Variants in PRKCE observed in about 807,000 individuals in gnomAD.
PRKCE encodes the protein protein kinase C epsilon, also known as protein kinase C epsilon type.
A neutral mutation model predicts 85.4 loss-of-function variants in PRKCE; 16 were observed. The ratio of observed to expected loss-of-function variants is 0.19; its 90% CI spans 0.13 to 0.28. The LOEUF (loss-of-function observed/expected upper bound fraction) is 0.28, where lower values mean the gene tolerates loss of function less well. PRKCE is among the 10% of genes least tolerant of loss of function. The pLI, the probability that PRKCE is intolerant of heterozygous loss-of-function variation, is 1.00. For missense variants in PRKCE, 573 were observed against 975.2 expected (o/e 0.59, Z 5.49); for synonymous variants, 388 against 371.5 (o/e 1.04, Z -0.51).
At chr2:46,132,181 G>A (rs1674527476) in intron 11 of PRKCE, among the ~76,000 whole-genome samples, 1 of 152,108 alleles carries the variant, frequency 6.6e-6, no homozygotes, top group Non-Finnish European at 1.5e-5. Flanking sequence ...AAACACCAAA[G>A]TCCTCGGTGG....
At chr2:46,102,042 G>GT (rs1671290452) in intron 11 of PRKCE, among the ~76,000 whole-genome samples, 1 of 138,402 alleles carries the variant, frequency 7.2e-6, no homozygotes. Flanking sequence ...ACAGGTCCCG[G>GT]CGGGAAAGGT....
At chr2:45,783,426 G>A (rs1319214571) in intron 1 of PRKCE, among the ~76,000 whole-genome samples, 1 of 152,198 alleles carries the variant, frequency 6.6e-6, no homozygotes, top group Admixed American at 6.5e-5. Context: ...CTAGGAACAG[G>A]AAAAGCACCA....
chr2:45,862,136 G>A (rs1217471937), intron 2 of PRKCE, among the ~76,000 whole-genome samples: 1 of 150,316 alleles, frequency 6.7e-6, no homozygotes, highest in Non-Finnish European at 1.5e-5. Context: ...CCTGGAGAAT[G>A]GTCTTAGGTA....
chr2:46,058,691 A>C lies in PRKCE; in HGVS notation c.1438-27517A>C, dbSNP rs141954711. On this transcript the variant is annotated intron_variant, in intron 10 of 14. Transcript: ENST00000306156. Reference sequence around the variant, plus strand: ...AATGCTGTGGTTTCACTCACATTGAATTGATTGATTGATTGACTGATTGAG... The same window carrying C: ...AATGCTGTGGTTTCACTCACATTGACTTGATTGATTGATTGACTGATTGAG... Among the ~76,000 whole-genome samples the C allele has an allele frequency of 1.5e-3, 235 of 152,058 alleles. 1 individual carries two copies. In the East Asian group the frequency reaches 0.016, roughly 11 times the overall value.
intron 10 of PRKCE, among the ~76,000 whole-genome samples, chr2:46,047,393 A>T (rs1708591275): frequency 6.6e-6 from 1 of 152,222 alleles, no homozygotes; most frequent in Admixed American, 6.5e-5. Context: ...AGCAATGAAG[A>T]CAGGTGGCTG....
chr2:45,938,536 G>T (rs184214911), intron 2 of PRKCE, among the ~76,000 whole-genome samples: 1 of 151,768 alleles, frequency 6.6e-6, no homozygotes, highest in African/African-American at 2.4e-5. Flanking sequence ...ACATTTCAGC[G>T]CCCACCCCTC....
intron 1 of PRKCE, among the ~76,000 whole-genome samples, chr2:45,678,663 G>A (rs1676655542): frequency 6.6e-6 from 1 of 151,894 alleles, no homozygotes; most frequent in Admixed American, 6.6e-5. Context: ...ATTATTTACT[G>A]TCCAGAAGTT....
At chr2:45,936,710 T>G (rs1055223644) in intron 2 of PRKCE, among the ~76,000 whole-genome samples, 1 of 152,220 alleles carries the variant, frequency 6.6e-6, no homozygotes, top group African/African-American at 2.4e-5. Flanking sequence ...TGTTATTATT[T>G]CTTAACAGTT....
intron 2 of PRKCE, among the ~76,000 whole-genome samples, chr2:45,858,444 C>A (rs1409007630): frequency 6.6e-6 from 1 of 152,044 alleles, no homozygotes; most frequent in Admixed American, 6.5e-5. Flanking sequence ...GTCTTTTGGA[C>A]TTAATTTAAA....
chr2:45,984,460 T>C lies in PRKCE; in HGVS notation c.694-91T>C. The C allele has an allele frequency of 1.3e-6, 2 of 1,535,290 alleles. 1 individual carries two copies. Among genetic ancestry groups the C allele is most frequent in the South Asian group, 2.5e-5 (2 of 81,530 alleles). On this transcript the variant is annotated intron_variant, in intron 5 of 14. Transcript: ENST00000306156. ...CTGCCACCTACAATGACACAAGCTC[T>C]CTTGGAAAAAGTTCTTTGAGAGTTC...
chr2:45,676,448 A>C (rs1676453680), intron 1 of PRKCE, among the ~76,000 whole-genome samples: 1 of 152,272 alleles, frequency 6.6e-6, no homozygotes. Context: ...TAATACATGC[A>C]GGTCAGAATG....
chr2:45,928,799 C>T (rs1246976895), intron 2 of PRKCE, among the ~76,000 whole-genome samples: 1 of 151,962 alleles, frequency 6.6e-6, no homozygotes, highest in Non-Finnish European at 1.5e-5. Context: ...TAGAAAGGTC[C>T]GCAGCTCATG....
intron 2 of PRKCE, among the ~76,000 whole-genome samples, chr2:45,923,210 A>G (rs1698380584): frequency 6.6e-6 from 1 of 152,214 alleles, no homozygotes; most frequent in African/African-American, 2.4e-5. Context: ...TATGGCACTA[A>G]AAGTCTTCTA....
At chr2:45,878,524 T>C (rs1400061585) in intron 2 of PRKCE, among the ~76,000 whole-genome samples, 2 of 152,212 alleles carry the variant, frequency 1.3e-5, no homozygotes, top group African/African-American at 4.8e-5. Flanking sequence ...TTCCAAACTT[T>C]AGGGCAAAAG....
chr2:45,791,914 G>A (rs1573374164), intron 1 of PRKCE, among the ~76,000 whole-genome samples: 1 of 152,172 alleles, frequency 6.6e-6, no homozygotes, highest in African/African-American at 2.4e-5. Flanking sequence ...TCTTATCCCT[G>A]GAATGAGGAT....
At chr2:45,952,260 C>T (rs1038924582) in intron 2 of PRKCE, among the ~76,000 whole-genome samples, 2 of 152,128 alleles carry the variant, frequency 1.3e-5, no homozygotes, top group South Asian at 2.1e-4. Context: ...AGGTGGTGGT[C>T]GGCAAAAGAG....
At chr2:46,048,390 G>C (rs1708654811) in intron 10 of PRKCE, among the ~76,000 whole-genome samples, 1 of 152,174 alleles carries the variant, frequency 6.6e-6, no homozygotes, top group Non-Finnish European at 1.5e-5. Flanking sequence ...ATGTTCTTTT[G>C]TATTCCAGCC....
At chr2:45,953,013 G>C (rs1331326162) in intron 2 of PRKCE, among the ~76,000 whole-genome samples, 2 of 152,160 alleles carry the variant, frequency 1.3e-5, no homozygotes, top group Non-Finnish European at 2.9e-5. Flanking sequence ...TGCCTTTCTT[G>C]ACATTACTGA....
intron 5 of PRKCE, among the ~76,000 whole-genome samples, chr2:45,982,343 A>G (rs1471016398): frequency 6.6e-6 from 1 of 152,210 alleles, no homozygotes; most frequent in Non-Finnish European, 1.5e-5. Flanking sequence ...CCAGAAACAC[A>G]TGTAGCCCTA....
Sources: allele counts gnomAD v4.1 joint callset (sites outside exome capture counted in the v4.1 genomes callset), GRCh38; gene constraint gnomAD v4.1.1; transcripts MANE v1.5; gene names NCBI Gene and HGNC (gene_info 2026-07-23, HGNC 2026-07-21).